MED12L: variants seen among roughly 807,000 people sequenced by gnomAD.
MED12L encodes mediator of RNA polymerase II transcription subunit 12-like protein.
MED12L carries 60 observed loss-of-function variants against 281.3 expected under a neutral mutation model. The ratio of observed to expected loss-of-function variants is 0.21; its 90% confidence interval spans 0.17 to 0.26. The LOEUF (loss-of-function observed/expected upper bound fraction) is 0.26, where lower values mean the gene tolerates loss of function less well. Ranked by LOEUF, MED12L falls within the 10% of genes least tolerant of loss-of-function variation. The pLI, the probability that MED12L is intolerant of heterozygous loss-of-function variation, is 1.00. For synonymous variants in MED12L, 974 were observed against 987.2 expected (o/e 0.99, Z 0.25); for missense variants, 2,146 against 2,680.9 (o/e 0.80, Z 4.41).
At chr3:151,262,673 C>T (rs543672070) in intron 16 of MED12L, among the ~76,000 whole-genome samples, 18 of 152,164 alleles carry the variant, frequency 1.2e-4, no homozygotes, top group East Asian at 3.9e-4. Context: ...TTAAAATCAC[C>T]GACAGATTTA....
rs530109395 is a variant in MED12L, at chr3:151,194,256, C to A, written c.2250+590C>A. Among the ~76,000 whole-genome samples the A allele has an allele frequency of 3.3e-5, 5 of 152,186 alleles. No individual in the cohort carries two copies. In the South Asian group the frequency reaches 1.0e-3, roughly 32 times the overall value. On this transcript the variant is annotated intron_variant, in intron 16 of 44. Transcript: ENST00000687756. ...TGCTGGGATTACAGGCGTGAGCCACCGTGCCAGGCGTAAATGTGTTCTAAT... is the reference window on the plus strand; with the variant it reads ...TGCTGGGATTACAGGCGTGAGCCACAGTGCCAGGCGTAAATGTGTTCTAAT...
chr3:151,271,891 G>A (rs1231913080), intron 16 of MED12L, among the ~76,000 whole-genome samples: 2 of 152,164 alleles, frequency 1.3e-5, no homozygotes, highest in African/African-American at 2.4e-5. Flanking sequence ...TGAAATTTTT[G>A]TGATGGAAAT....
Position 151,311,350 on chromosome 3 carries a change from GTGT to G in MED12L, c.2251-38701_2251-38699del, listed in dbSNP as rs1430337760. Among the ~76,000 whole-genome samples the G allele has an allele frequency of 4.0e-5, 6 of 151,828 alleles. No homozygotes were observed. In the East Asian group the frequency reaches 5.8e-4, roughly 15 times the overall value. On this transcript the variant is annotated intron_variant, in intron 16 of 44. Transcript: ENST00000687756. Reference sequence around the variant, plus strand: ...GTGTGTGTGTATATATATATATTTAGTGTTGTTGTTTACATTATGAAATTAGAA... The same window carrying G: ...GTGTGTGTGTATATATATATATTTAGTGTTGTTTACATTATGAAATTAGAA...
intron 11 of MED12L, among the ~76,000 whole-genome samples, chr3:151,180,029 T>G (rs962230119): frequency 7.2e-5 from 11 of 152,206 alleles, no homozygotes; most frequent in African/African-American, 2.4e-4. Flanking sequence ...ATTGCATTCT[T>G]GGTATCTAGC....
At chr3:151,161,462 A>T (rs919056374) in intron 8 of MED12L, among the ~76,000 whole-genome samples, 1 of 152,158 alleles carries the variant, frequency 6.6e-6, no homozygotes, top group African/African-American at 2.4e-5. Context: ...GGAGTGCTTA[A>T]GAGTCGGGCA....
intron 3 of MED12L, 138 bp downstream of exon 3, chr3:151,116,580 C>G (rs1237708924): frequency 2.2e-5 from 13 of 600,732 alleles, no homozygotes; most frequent in Non-Finnish European, 3.6e-5. Flanking sequence ...TGTATACCGT[C>G]CTGCCCCAGG....
At chr3:151,106,320 TCCCCTCCC>T (rs1722053521) in intron 2 of MED12L, among the ~76,000 whole-genome samples, 3 of 43,836 alleles carry the variant, frequency 6.8e-5, no homozygotes, top group African/African-American at 2.4e-4. Flanking sequence ...TCCCCTCCCC[TCCCCTCCC>T]CTCCCCTCCC....
chr3:151,416,472 C>T (rs1270544190), intron 43 of MED12L, 50 bp downstream of exon 43: 35 of 1,582,422 alleles, frequency 2.2e-5, no homozygotes, highest in Non-Finnish European at 3.0e-5. Context: ...TCTTTAAAAG[C>T]AGGTTGCATT....
rs1047486780 is a variant in MED12L, at chr3:151,229,334, G to A, written c.2250+35668G>A. Among the ~76,000 whole-genome samples, 27 of 134,866 alleles carry A rather than the reference G, an allele frequency of 2.0e-4. 1 individual carries two copies. The highest frequency in any genetic ancestry group is 3.5e-4 in the Non-Finnish European group (23 of 64,826). The allele number at this position is 134,866 out of a possible 152,430, so 88.5% of individuals were successfully genotyped here. The stretch of plus-strand genomic sequence containing the variant: ...TTTTTTTTTTTTTTTTTGAGATGGA[G>A]TCTTGCTCTGTTGCTCAGGCTGGAG... On this transcript the variant is annotated intron_variant, in intron 16 of 44. Coordinates refer to ENST00000687756, the MANE Select transcript of MED12L (RefSeq NM_001393769.1).
At chr3:151,088,987 G>A (rs1475942993) in intron 2 of MED12L, among the ~76,000 whole-genome samples, 1 of 152,142 alleles carries the variant, frequency 6.6e-6, no homozygotes, top group Non-Finnish European at 1.5e-5. Context: ...TGGAACAGGT[G>A]CTTGGCTGTT....
chr3:151,205,735 T>C (rs1726256517), intron 16 of MED12L, among the ~76,000 whole-genome samples: 1 of 152,166 alleles, frequency 6.6e-6, no homozygotes, highest in Non-Finnish European at 1.5e-5. Context: ...AGTTAGACCC[T>C]AGCGTCCCAG....
chr3:151,191,924 A>C lies in MED12L; in HGVS notation c.1969-626A>C, dbSNP rs192300911. 3.8e-3 allele frequency among the ~76,000 whole-genome samples: 578 copies of C among 152,272 alleles called. 1 individual carries two copies. The highest frequency in any genetic ancestry group is 5.6e-3 in the African/African-American group (231 of 41,566). On this transcript the variant is annotated intron_variant, in intron 14 of 44. Transcript: ENST00000687756. ...TGTCTCAAAAAAACAAACAAAAAAAAAAAAAACACCTCACAGTTTAGGCAT... is the reference window on the plus strand; with the variant it reads ...TGTCTCAAAAAAACAAACAAAAAAACAAAAAACACCTCACAGTTTAGGCAT...
In MED12L at chr3:151,398,352, A is replaced by G. The variant is rs151310831; in HGVS notation, c.5820+3485A>G. ...TATCCTCTTTCTGTCTAGTGGGGGA[A>G]GTTGGCATATGCAGAAACCATCCAG... is the stretch of plus-strand genomic sequence containing the variant. On this transcript the variant is annotated intron_variant, in intron 39 of 44. Transcript: ENST00000687756. 7.2e-5 allele frequency among the ~76,000 whole-genome samples: 11 copies of G among 152,312 alleles called. No individual in the cohort carries two copies. In the East Asian group the frequency reaches 2.1e-3, roughly 29 times the overall value.
intron 43 of MED12L, among the ~76,000 whole-genome samples, chr3:151,426,798 A>G (rs1718926318): frequency 6.7e-6 from 1 of 150,108 alleles, no homozygotes; most frequent in Non-Finnish European, 1.5e-5. Context: ...AAATAAAGTT[A>G]TATGAGAATG....
intron 38 of MED12L, among the ~76,000 whole-genome samples, chr3:151,392,672 T>C (rs1488231267): frequency 6.6e-6 from 1 of 152,046 alleles, no homozygotes; most frequent in African/African-American, 2.4e-5. Flanking sequence ...CAAAAACATA[T>C]GTATCTTTCC....
chr3:151,332,765 CA>C (rs1297111613), intron 16 of MED12L, among the ~76,000 whole-genome samples: 1 of 151,620 alleles, frequency 6.6e-6, no homozygotes, highest in Admixed American at 6.6e-5. Context: ...ATTTTAGGTT[CA>C]GGGGTACATG....
chr3:151,376,299 T>C, intron 28 of MED12L, 85 bp downstream of exon 28: 1 of 1,100,246 alleles, frequency 9.1e-7, no homozygotes. Context: ...TTTTTTGTCC[T>C]TGCTAATTTG....
intron 5 of MED12L, among the ~76,000 whole-genome samples, chr3:151,131,280 A>G (rs561890906): frequency 2.0e-5 from 3 of 152,322 alleles, no homozygotes; most frequent in African/African-American, 4.8e-5. Flanking sequence ...GATTTTTACA[A>G]CTGAAACTTA....
intron 2 of MED12L, among the ~76,000 whole-genome samples, chr3:151,092,900 G>A (rs1272019023): frequency 6.6e-6 from 1 of 152,202 alleles, no homozygotes; most frequent in East Asian, 1.9e-4. Flanking sequence ...GAGCAGTGTA[G>A]GAAGCACTGG....
Sources: allele counts gnomAD v4.1 joint callset (sites outside exome capture counted in the v4.1 genomes callset), GRCh38; gene constraint gnomAD v4.1.1; transcripts MANE v1.5; gene names NCBI Gene and HGNC (gene_info 2026-07-23, HGNC 2026-07-21).